Variants in TAF9 observed in about 807,000 individuals in gnomAD.
TAF9 encodes TATA-box binding protein associated factor 9.
In TAF9, 10 loss-of-function variants were observed where a neutral mutation model predicts 16.5. The observed-to-expected ratio is 0.61, with a 90% CI of 0.37 to 1.03. TAF9 has a LOEUF of 1.03. Among genes scored for constraint, TAF9 ranks in the 50% least tolerant of loss-of-function variants. The pLI is 0.01. For synonymous variants in TAF9, 105 were observed against 120.5 expected, an observed-to-expected ratio of 0.87 and a Z score of 0.84; for missense variants, 288 against 319.1, an observed-to-expected ratio of 0.90 and a Z score of 0.74.
At position 69,364,958 on chromosome 5, in the gene TAF9, GTCA is replaced by G. The variant is rs138635374; in HGVS notation, c.777_779del (p.Asp260del). 2.7e-4 allele frequency: 437 copies of G among 1,609,740 alleles called. No individual in the cohort carries two copies. Among genetic ancestry groups the G allele is most frequent in the South Asian group, 8.4e-4 (76 of 90,668 alleles). On this transcript the variant is annotated inframe_deletion, in exon 3 of 3. Transcript: ENST00000217893. The stretch of plus-strand genomic sequence containing the variant: ...CAAGGCTAGATTACAGATTATCATA[GTCA>G]TCATCATCATCATCGTCATCATCAT...
intron 1 of TAF9, 156 bp downstream of exon 1, chr5:69,369,307 C>A: frequency 1.4e-6 from 1 of 717,870 alleles, no homozygotes. Context: ...GCAACGCCCG[C>A]GAGGGTCGGC....
chr5:69,369,364 A>G, intron 1 of TAF9, 99 bp downstream of exon 1: 3 of 1,373,034 alleles, frequency 2.2e-6, no homozygotes, highest in Non-Finnish European at 2.9e-6. Context: ...CGGCCTCTGA[A>G]GAGGGCAGTG....
At chr5:69,366,666 T>C (rs1762439830) in intron 1 of TAF9, 71 bp from the exon 2 acceptor site, 1 of 1,118,134 alleles carries the variant, frequency 8.9e-7, no homozygotes, top group Non-Finnish European at 1.4e-6. Flanking sequence ...ACCTTCTGCC[T>C]TTCCTTTTAT....
upstream of TAF9, chr5:69,369,603 C>A (rs1762780863): frequency 6.3e-7 from 1 of 1,585,886 alleles, no homozygotes; most frequent in Admixed American, 1.8e-5. Context: ...GCCCCGAAGC[C>A]CACCGCGGCG....
chr5:69,365,596 T>C lies in TAF9; in HGVS notation c.142A>G (p.Thr48Ala). The C allele has an allele frequency of 6.2e-7, 1 of 1,614,158 alleles. No individual in the cohort carries two copies. The highest frequency in any genetic ancestry group is 1.1e-5 in the South Asian group (1 of 91,074). Residue 48 changes from threonine to alanine, a missense_variant, in exon 3 of 3, where the codon ACC (threonine) becomes GCC (alanine). Transcript: ENST00000217893. ...QMLEFAFRYV[T>A]TILDDAKIYS... ...ATTTTTGCATCATCTAGAATTGTGG[T>C]CACATATCGGAAGGCAAACTCCAAC...
chr5:69,365,973 G>T (rs1455094898), intron 2 of TAF9, among the ~76,000 whole-genome samples: 3 of 152,084 alleles, frequency 2.0e-5, no homozygotes, highest in African/African-American at 2.4e-5. Context: ...ACTATAAAAA[G>T]ATGAAGACAC....
chr5:69,369,593 GCCCCGAAGC>G (rs1762779458), upstream of TAF9: 5 of 1,595,586 alleles, frequency 3.1e-6, no homozygotes, highest in Middle Eastern at 1.7e-4. Flanking sequence ...GGCCCCAAAG[GCCCCGAAGC>G]CCACCGCGGC....
chr5:69,366,713 A>G (rs1762442788), intron 1 of TAF9, 118 bp from the exon 2 acceptor site: 2 of 741,450 alleles, frequency 2.7e-6, no homozygotes, highest in African/African-American at 1.8e-5. Flanking sequence ...CTGCCCTTAA[A>G]AGTTCTTGAC....
At chr5:69,366,670 CT>C (rs1561221771) in intron 1 of TAF9, 75 bp from the exon 2 acceptor site, 9 of 1,120,462 alleles carry the variant, frequency 8.0e-6, no homozygotes, top group Non-Finnish European at 1.1e-5. Flanking sequence ...TCTGCCTTTC[CT>C]TTTATTTTTG....
chr5:69,369,520 C>G lies in TAF9; in HGVS notation c.-168G>C, dbSNP rs200902755. The G allele has an allele frequency of 1.2e-4, 196 of 1,611,138 alleles. No homozygotes were observed. The African/African-American group carries it at 1.6e-3, about 13-fold the overall frequency. On this transcript the variant is annotated 5_prime_UTR_variant, in exon 1 of 3. Transcript: ENST00000217893. ...CCCGCCGCGACGGCTTCGGGCGCCT[C>G]GCTCACGTGCCCTTTGCTCTACAGG...
intron 2 of TAF9, 130 bp from the exon 3 acceptor site, chr5:69,365,884 A>G (rs1017345758): frequency 1.7e-6 from 1 of 589,840 alleles, no homozygotes; most frequent in Non-Finnish European, 2.6e-6. Context: ...AATTTAAACC[A>G]TATGTTTTCT....
rs748224721 is a variant in TAF9 at position 69,365,634 on chromosome 5, AC to A, written c.103del (p.Val35LeufsTer2). 1.9e-6 allele frequency: 3 copies of A among 1,613,802 alleles called. No homozygotes were observed. The highest frequency in any genetic ancestry group is 2.5e-6 in the Non-Finnish European group (3 of 1,179,920). ...GGCAAACTCCAACATCTGATTTATAACTCTTGGCTCATATTCTGTAATCCCC... is the reference window on the plus strand; with the variant it reads ...GGCAAACTCCAACATCTGATTTATAATCTTGGCTCATATTCTGTAATCCCC... ...DMGITEYEPR[V>X]INQMLEFAFR... On this transcript the variant is annotated frameshift_variant, in exon 3 of 3. Transcript: ENST00000217893. LOFTEE classifies it high-confidence loss of function.
At chr5:69,369,779 T>G, upstream of TAF9, 1 of 1,429,734 alleles carries the variant, frequency 7.0e-7, no homozygotes, top group South Asian at 1.2e-5. Flanking sequence ...TCCCCGCCCT[T>G]CGCTTGCGCC....
At position 69,365,459 on chromosome 5, in the gene TAF9, T is replaced by C. The variant is rs1762380786; in HGVS notation, c.279A>G (p.Leu93=). 6.2e-7 allele frequency: 1 copy of C among 1,614,036 alleles called. No individual in the cohort carries two copies. Among genetic ancestry groups the C allele is most frequent in the Admixed American group, 1.7e-5 (1 of 59,998 alleles). ...TTTGATTTCTTTGCCTTGCAATATC[T>C]AATAAAAAATCTCTTGGGGGAGGAG... is the stretch of plus-strand genomic sequence containing the variant. ...FTSPPPRDFL[L]DIARQRNQTP... The change falls in exon 3 of 3, where the codon TTA becomes TTG. Residue 93 remains leucine, a synonymous_variant. Transcript: ENST00000217893.
Position 69,365,346 on chromosome 5 carries a change from G to C in TAF9, c.392C>G (p.Ser131Cys), listed in dbSNP as rs1214701058. ...AGAAGTTGATGCCTTTTTCTGTAAA[G>C]ATTTCAGCCTATAGTTTGGAGCTGT... is the stretch of plus-strand genomic sequence containing the variant. ...CLTAPNYRLKSLQKKASTSAG... is the reference protein window; with the variant it reads ...CLTAPNYRLKCLQKKASTSAG... The change falls in exon 3 of 3, where the codon TCT becomes TGT. Residue 131 changes from serine (S) to cysteine (C), a missense_variant. Ser to Cys is a moderately radical substitution (Grantham distance 112, BLOSUM62 -1). Transcript: ENST00000217893. 2.5e-6 allele frequency: 4 copies of C among 1,614,118 alleles called. No homozygotes were observed. The Admixed American group carries it at 5.0e-5, about 20-fold the overall frequency.
chr5:69,369,404 A>G (rs2150749665), intron 1 of TAF9, 59 bp downstream of exon 1: 1 of 1,592,354 alleles, frequency 6.3e-7, no homozygotes. Context: ...CCCGATGCCC[A>G]GAGCACTCTG....
Position 69,366,568 on chromosome 5 carries a change from A to T in TAF9, c.-83T>A. On this transcript the variant is annotated 5_prime_UTR_variant, in exon 2 of 3. Transcript: ENST00000217893. ...TGATTTTGACGCAAGTTCTTTGCCT[A>T]GTGTGGTTTTTCCAACCCCTGGTGT... The T allele has an allele frequency of 6.2e-7, 1 of 1,614,074 alleles. No homozygotes were observed. The highest frequency in any genetic ancestry group is 1.7e-5 in the Admixed American group (1 of 60,024).
chr5:69,365,799 A>C, intron 2 of TAF9, 45 bp from the exon 3 acceptor site: 2 of 1,353,294 alleles, frequency 1.5e-6, no homozygotes, highest in Non-Finnish European at 2.0e-6. Context: ...TCAATCTGAA[A>C]TAGTTACTTT....
intron 2 of TAF9, among the ~76,000 whole-genome samples, chr5:69,366,129 C>CA (rs1052120390): frequency 2.6e-5 from 4 of 152,352 alleles, no homozygotes; most frequent in African/African-American, 9.6e-5. Context: ...GAGCTCAAAA[C>CA]AGTCTCTTTC....
Sources: allele counts gnomAD v4.1 joint callset (sites outside exome capture counted in the v4.1 genomes callset), GRCh38; gene constraint gnomAD v4.1.1; transcripts MANE v1.5; gene names NCBI Gene and HGNC (gene_info 2026-07-23, HGNC 2026-07-21).